Variants in RGL1 observed in about 807,000 individuals in gnomAD.
RGL1 encodes the protein ral guanine nucleotide dissociation stimulator like 1, also known as ral guanine nucleotide dissociation stimulator-like 1.
In RGL1, 24 loss-of-function variants were observed where a neutral mutation model predicts 95.2. The ratio of observed to expected loss-of-function variants is 0.25; its 90% CI spans 0.18 to 0.35. RGL1 has a LOEUF of 0.35. RGL1 is among the 10% of genes least tolerant of loss of function. The probability of loss-of-function intolerance (pLI) is 1.00; values close to 1 mark genes in which losing one functional copy is unlikely to be tolerated. For missense variants in RGL1, 715 were observed against 936.3 expected (o/e 0.76, Z 3.08); for synonymous variants, 329 against 344.9 (o/e 0.95, Z 0.51).
intron 2 of RGL1, among the ~76,000 whole-genome samples, chr1:183,833,458 C>T (rs1663401122): frequency 2.6e-5 from 4 of 152,328 alleles, no homozygotes; most frequent in Middle Eastern, 6.8e-3. Flanking sequence ...TCTGGGTCTA[C>T]TGATCGGAAT....
At chr1:183,904,407 A>C (rs1315228409) in intron 12 of RGL1, among the ~76,000 whole-genome samples, 1 of 152,194 alleles carries the variant, frequency 6.6e-6, no homozygotes, top group African/African-American at 2.4e-5. Context: ...GGATCTTGGG[A>C]GCTCCCTGAC....
intron 2 of RGL1, among the ~76,000 whole-genome samples, chr1:183,768,286 A>G (rs980719438): frequency 3.3e-5 from 5 of 151,998 alleles, no homozygotes; most frequent in Non-Finnish European, 7.4e-5. Context: ...TACCGTTCCA[A>G]GATTCTTTCT....
chr1:183,869,153 A>T (rs914666124), intron 4 of RGL1, among the ~76,000 whole-genome samples: 1 of 152,112 alleles, frequency 6.6e-6, no homozygotes, highest in Non-Finnish European at 1.5e-5. Flanking sequence ...AAAAATCCAG[A>T]GCTTCTCTGT....
At chr1:183,810,581 C>T (rs1174581261) in intron 2 of RGL1, among the ~76,000 whole-genome samples, 7 of 152,074 alleles carry the variant, frequency 4.6e-5, no homozygotes, top group African/African-American at 1.4e-4. Context: ...ATAAAAGAAC[C>T]TAGAAACATT....
chr1:183,880,913 A>G, intron 5 of RGL1, 113 bp downstream of exon 5: 1 of 893,774 alleles, frequency 1.1e-6, no homozygotes, highest in Non-Finnish European at 1.7e-6. Context: ...CCCTCAAAAC[A>G]ACATGCTGCT....
At chr1:183,681,604 G>A (rs1421602349) in intron 1 of RGL1, among the ~76,000 whole-genome samples, 1 of 152,120 alleles carries the variant, frequency 6.6e-6, no homozygotes, top group Non-Finnish European at 1.5e-5. Context: ...TTTTTGCATC[G>A]ATGTTCATCA....
At chr1:183,919,568 G>A (rs1040710651) in intron 16 of RGL1, among the ~76,000 whole-genome samples, 3 of 152,216 alleles carry the variant, frequency 2.0e-5, no homozygotes, top group African/African-American at 7.2e-5. Flanking sequence ...TAGAGAACTT[G>A]CTTTGCAAGA....
chr1:183,748,554 C>T (rs530877421), intron 2 of RGL1, among the ~76,000 whole-genome samples: 160 of 151,650 alleles, frequency 1.1e-3, no homozygotes, highest in African/African-American at 3.3e-3. Flanking sequence ...TACAGGTGCC[C>T]GCCACCACGT....
intron 2 of RGL1, among the ~76,000 whole-genome samples, chr1:183,742,825 G>A (rs544668163): frequency 6.6e-5 from 10 of 152,044 alleles, no homozygotes; most frequent in South Asian, 4.1e-4. Flanking sequence ...TTTATTATGC[G>A]TTTGAGGTAA....
At chr1:183,915,046 C>G (rs1668877174) in intron 15 of RGL1, among the ~76,000 whole-genome samples, 1 of 152,088 alleles carries the variant, frequency 6.6e-6, no homozygotes, top group South Asian at 2.1e-4. Context: ...TATGATAGAG[C>G]CACAATCAGA....
At chr1:183,743,204 G>T (rs1283784474) in intron 2 of RGL1, among the ~76,000 whole-genome samples, 1 of 152,036 alleles carries the variant, frequency 6.6e-6, no homozygotes, top group East Asian at 1.9e-4. Context: ...GTAAAGATGA[G>T]ACTCTCGCTA....
In RGL1 at chr1:183,672,512, C is replaced by T. The variant is rs1652536664; in HGVS notation, c.-33+36011C>T. On this transcript the variant is annotated intron_variant, in intron 1 of 18. Coordinates refer to the RGL1 transcript ENST00000304685. ...CTTTTGCAGTGGCTATAAAAATTAT[C>T]ATTCATTTTTCAATGCTGCATTCTA... Among the ~76,000 whole-genome samples, 3 of 152,092 alleles carry T rather than the reference C, an allele frequency of 2.0e-5. 1 individual carries two copies. The South Asian group carries it at 6.2e-4, about 32-fold the overall frequency.
intron 9 of RGL1, among the ~76,000 whole-genome samples, chr1:183,893,373 A>G (rs906306733): frequency 2.6e-4 from 39 of 152,342 alleles, no homozygotes; most frequent in African/African-American, 8.9e-4. Context: ...AATTGTTTTG[A>G]AGATTCACTA....
intron 1 of RGL1, among the ~76,000 whole-genome samples, chr1:183,660,110 A>G (rs1651497593): frequency 6.6e-6 from 1 of 152,230 alleles, no homozygotes; most frequent in South Asian, 2.1e-4. Flanking sequence ...ATCATGCCAA[A>G]TTGTAAAGAC....
intron 1 of RGL1, among the ~76,000 whole-genome samples, chr1:183,676,760 C>G (rs887400443): frequency 1.9e-4 from 28 of 144,846 alleles, no homozygotes; most frequent in African/African-American, 6.8e-4. Flanking sequence ...GCTTTGGAGT[C>G]TCTGTTTAGT....
chr1:183,751,254 C>A (rs1474638602), intron 2 of RGL1, among the ~76,000 whole-genome samples: 1 of 152,234 alleles, frequency 6.6e-6, no homozygotes, highest in Non-Finnish European at 1.5e-5. Flanking sequence ...TTCAGAGATA[C>A]CCTGCCCAGA....
intron 2 of RGL1, among the ~76,000 whole-genome samples, chr1:183,781,967 G>C (rs1190776791): frequency 6.6e-6 from 1 of 152,114 alleles, no homozygotes; most frequent in African/African-American, 2.4e-5. Context: ...TCATGTAGCT[G>C]GTTTCTGATT....
At chr1:183,658,675 G>A (rs374833147) in intron 1 of RGL1, among the ~76,000 whole-genome samples, 11,630 of 150,764 alleles carry the variant, frequency 0.077, 890 homozygotes, top group African/African-American at 0.2. Context: ...GCAGACTTAA[G>A]TGTCCCTGTC....
intron 1 of RGL1, among the ~76,000 whole-genome samples, chr1:183,665,794 T>C (rs1387929691): frequency 6.6e-6 from 1 of 152,188 alleles, no homozygotes; most frequent in Non-Finnish European, 1.5e-5. Flanking sequence ...TAACCTGGCT[T>C]GAGGCTTATT....
Sources: allele counts gnomAD v4.1 joint callset (sites outside exome capture counted in the v4.1 genomes callset), GRCh38; gene constraint gnomAD v4.1.1; transcripts MANE v1.5; gene names NCBI Gene and HGNC (gene_info 2026-07-23, HGNC 2026-07-21).